CDS2: variants seen among roughly 807,000 people sequenced by gnomAD.
CDS2 encodes phosphatidate cytidylyltransferase 2.
In CDS2, 47 loss-of-function variants were observed where a neutral mutation model predicts 59.0. The ratio of observed to expected loss-of-function variants is 0.80; its 90% CI spans 0.63 to 1.02. CDS2 has a LOEUF of 1.02. Ranked by LOEUF, CDS2 falls within the 50% of genes least tolerant of loss-of-function variation. The probability of loss-of-function intolerance (pLI) is 0.00; values close to 1 mark genes in which losing one functional copy is unlikely to be tolerated. For synonymous variants in CDS2, 207 were observed against 206.4 expected (o/e 1.00, Z -0.02); for missense variants, 356 against 558.9 (o/e 0.64, Z 3.66).
chr20:5,174,901 A>G (rs2090983391), intron 2 of CDS2, among the ~76,000 whole-genome samples: 1 of 152,172 alleles, frequency 6.6e-6, no homozygotes. Context: ...AGCAGAGGGC[A>G]CTACATTTCC....
At chr20:5,146,658 A>G (rs566053095) in intron 1 of CDS2, among the ~76,000 whole-genome samples, 153 of 152,318 alleles carry the variant, frequency 1.0e-3, no homozygotes, top group Non-Finnish European at 1.7e-3. Context: ...CTTTTATGAA[A>G]TAACTACCAC....
intron 1 of CDS2, among the ~76,000 whole-genome samples, chr20:5,153,379 A>G (rs905067888): frequency 1.3e-5 from 2 of 152,242 alleles, no homozygotes; most frequent in Non-Finnish European, 2.9e-5. Flanking sequence ...CACCAGTCCC[A>G]GGGAAGCGTC....
rs1600456290 is a variant in CDS2 at position 5,127,259 on chromosome 20, A to G, written c.57+110A>G. Reference sequence around the variant, plus strand: ...GTTCTCTGACCCTTTGTCGCAGCCGACGGCGGCCCCGGGCCCGGGTAGCGC... The same window carrying G: ...GTTCTCTGACCCTTTGTCGCAGCCGGCGGCGGCCCCGGGCCCGGGTAGCGC... On this transcript the variant is annotated intron_variant, in intron 1 of 12. Coordinates refer to ENST00000460006, the MANE Select transcript of CDS2 (RefSeq NM_003818.4). The G allele has an allele frequency of 4.8e-6, 5 of 1,033,752 alleles. No homozygotes were observed. The East Asian group carries it at 1.7e-4, about 34-fold the overall frequency. 64.0% of individuals were successfully genotyped at this position (1,033,752 alleles called of 1,614,324 possible). A position where few individuals can be genotyped will look rare whatever the true frequency, so the allele number is the denominator to read the frequency against.
chr20:5,189,824 C>T lies in CDS2; in HGVS notation c.1191C>T (p.Ile397=), dbSNP rs752273382. The T allele has an allele frequency of 3.7e-6, 6 of 1,612,972 alleles. No individual in the cohort carries two copies. The highest frequency in any genetic ancestry group is 1.7e-5 in the Admixed American group (1 of 60,008). The change falls in exon 12 of 13, where the codon ATC becomes ATT. Residue 397 remains isoleucine (I), a synonymous_variant. Coordinates refer to ENST00000460006, the MANE Select transcript of CDS2 (RefSeq NM_003818.4). ...TGGCCACCTTTGTCAATGTATACAT[C>T]GCCAGTTTTATCAGGTATAGTACCT... The part of the protein sequence containing the change: ...YLMATFVNVY[I]ASFIRGPNPS...
At chr20:5,129,362 T>C (rs549890889) in intron 1 of CDS2, among the ~76,000 whole-genome samples, 2 of 152,098 alleles carry the variant, frequency 1.3e-5, no homozygotes, top group South Asian at 2.1e-4. Context: ...CTGCAACCTC[T>C]GCCTCCCAGG....
intron 1 of CDS2, among the ~76,000 whole-genome samples, chr20:5,154,779 C>A (rs1600486576): frequency 1.3e-5 from 2 of 152,200 alleles, no homozygotes; most frequent in Admixed American, 1.3e-4. Flanking sequence ...TCCCGAGTAG[C>A]TGGGACTACG....
chr20:5,132,853 C>G (rs1244358711), intron 1 of CDS2, among the ~76,000 whole-genome samples: 4 of 151,884 alleles, frequency 2.6e-5, no homozygotes, highest in African/African-American at 9.7e-5. Flanking sequence ...TTGTGTTTGC[C>G]CAGGTTAACA....
intron 1 of CDS2, among the ~76,000 whole-genome samples, chr20:5,152,696 T>A (rs1370640378): frequency 6.6e-6 from 1 of 152,190 alleles, no homozygotes; most frequent in Non-Finnish European, 1.5e-5. Flanking sequence ...TGAGCCAAGA[T>A]TGCGCCATTG....
chr20:5,176,961 A>C (rs1057336458), intron 4 of CDS2, among the ~76,000 whole-genome samples: 1 of 152,194 alleles, frequency 6.6e-6, no homozygotes, highest in East Asian at 1.9e-4. Flanking sequence ...TGTTAAGAGA[A>C]AGTTAAGAGA....
chr20:5,148,763 G>A (rs974670759), intron 1 of CDS2, among the ~76,000 whole-genome samples: 4 of 152,162 alleles, frequency 2.6e-5, no homozygotes, highest in Admixed American at 2.0e-4. Context: ...TTTTGGGAGC[G>A]TAAAAGCCGC....
chr20:5,130,113 C>G (rs2090592169), intron 1 of CDS2, among the ~76,000 whole-genome samples: 1 of 152,098 alleles, frequency 6.6e-6, no homozygotes, highest in African/African-American at 2.4e-5. Context: ...CCTGGGATTA[C>G]AGGTGCCTGC....
At chr20:5,143,201 A>G (rs568330440) in intron 1 of CDS2, among the ~76,000 whole-genome samples, 4 of 152,150 alleles carry the variant, frequency 2.6e-5, no homozygotes, top group Non-Finnish European at 5.9e-5. Context: ...ATCATTAGCC[A>G]TCTGAGAGGT....
At chr20:5,178,290 G>A (rs2091008511) in intron 4 of CDS2, among the ~76,000 whole-genome samples, 1 of 152,206 alleles carries the variant, frequency 6.6e-6, no homozygotes, top group East Asian at 1.9e-4. Context: ...AGGGGAGGCA[G>A]ATGTCATGTT....
chr20:5,191,022 A>G lies in CDS2; in HGVS notation c.*788A>G, dbSNP rs185604094. 3.9e-5 allele frequency: 6 copies of G among 152,664 alleles called. No homozygotes were observed. The highest frequency in any genetic ancestry group is 1.4e-4 in the African/African-American group (6 of 41,518). The allele number at this position is 152,664 out of a possible 1,614,324, so 9.5% of individuals were successfully genotyped here. On this transcript the variant is annotated 3_prime_UTR_variant, in exon 13 of 13. Coordinates refer to ENST00000460006, the MANE Select transcript of CDS2 (RefSeq NM_003818.4). ...TCCACCTAACTGTGTGTTTTCAGGG[A>G]CAATGCCATCCATGTTTGTGCTGTA...
chr20:5,172,799 G>A (rs1437042109), intron 1 of CDS2, among the ~76,000 whole-genome samples: 1 of 152,210 alleles, frequency 6.6e-6, no homozygotes, highest in Non-Finnish European at 1.5e-5. Context: ...ATACTTGAGT[G>A]GTAGGATGGT....
At chr20:5,130,947 C>T (rs1032249478) in intron 1 of CDS2, among the ~76,000 whole-genome samples, 2 of 151,850 alleles carry the variant, frequency 1.3e-5, no homozygotes, top group Non-Finnish European at 1.5e-5. Flanking sequence ...AAAAATTAGC[C>T]GGGCGTGGTG....
chr20:5,158,720 C>T (rs779824678), intron 1 of CDS2, among the ~76,000 whole-genome samples: 2 of 152,158 alleles, frequency 1.3e-5, no homozygotes, highest in Non-Finnish European at 2.9e-5. Flanking sequence ...AGAACACAGC[C>T]AATTTCTGAG....
chr20:5,163,244 T>G (rs2090888169), intron 1 of CDS2, among the ~76,000 whole-genome samples: 1 of 152,170 alleles, frequency 6.6e-6, no homozygotes, highest in Non-Finnish European at 1.5e-5. Flanking sequence ...CAAAGTAGTT[T>G]TTTTTGTTTC....
At chr20:5,167,335 G>T (rs1251926736) in intron 1 of CDS2, among the ~76,000 whole-genome samples, 1 of 152,162 alleles carries the variant, frequency 6.6e-6, no homozygotes, top group Non-Finnish European at 1.5e-5. Flanking sequence ...TCCCATTATT[G>T]CTGTGAGGCT....
Sources: gnomAD v4.1 joint callset for allele counts (sites outside exome capture counted in the v4.1 genomes callset) on GRCh38, gnomAD v4.1.1 for gene constraint, MANE v1.5 for transcripts, NCBI Gene and HGNC (gene_info 2026-07-23, HGNC 2026-07-21) for gene names.